The following CEACAM8 variants were observed in gnomAD, a reference collection of about 807,000 sequenced individuals.
CEACAM8 encodes CEA cell adhesion molecule 8, also known as cell adhesion molecule CEACAM8.
Under a neutral mutation model 33.4 loss-of-function variants are expected in CEACAM8, and 31 were observed. That is an observed-to-expected ratio of 0.93 (90% CI 0.70 to 1.25). The LOEUF (loss-of-function observed/expected upper bound fraction) is 1.25, where lower values mean the gene tolerates loss of function less well. CEACAM8 is among the 50% of genes most tolerant of loss of function. The pLI is 0.00. For missense variants in CEACAM8, 388 were observed against 434.6 expected (o/e 0.89, Z 0.95); for synonymous variants, 138 against 164.5 (o/e 0.84, Z 1.23).
At chr19:42,585,283 A>G in intron 4 of CEACAM8, among the ~76,000 whole-genome samples, 1 of 147,374 alleles carries the variant, frequency 6.8e-6, no homozygotes, top group South Asian at 2.2e-4. Context: ...GGGCTGACCT[A>G]AGGAGTGAGA....
At chr19:42,581,921 ATATATATATAT>A (rs1410551215) in intron 5 of CEACAM8, among the ~76,000 whole-genome samples, 3 of 26,260 alleles carry the variant, frequency 1.1e-4, no homozygotes, top group African/African-American at 2.9e-4. Context: ...AAAAAAAAAA[ATATATATATAT>A]ATATATATAT....
chr19:42,581,742 T>G (rs1264021179), intron 5 of CEACAM8, among the ~76,000 whole-genome samples: 1 of 149,354 alleles, frequency 6.7e-6, no homozygotes, highest in Non-Finnish European at 1.5e-5. Flanking sequence ...ATAGAAAAAT[T>G]AGCTGGGCGT....
At chr19:42,584,706 T>C (rs1027181158) in intron 4 of CEACAM8, among the ~76,000 whole-genome samples, 11 of 152,228 alleles carry the variant, frequency 7.2e-5, no homozygotes, top group African/African-American at 2.7e-4. Context: ...TTAAGAATCT[T>C]GTGCAAGAAA....
chr19:42,587,340 C>T (rs2042353176), intron 4 of CEACAM8, among the ~76,000 whole-genome samples: 3 of 152,330 alleles, frequency 2.0e-5, no homozygotes, highest in Non-Finnish European at 2.9e-5. Context: ...GTGGAAACAA[C>T]TGCAAAGTCC....
At chr19:42,585,313 C>CAAAAAAAAAAAAAAAAAAA (rs34190972) in intron 4 of CEACAM8, among the ~76,000 whole-genome samples, 1 of 61,950 alleles carries the variant, frequency 1.6e-5, no homozygotes, top group Non-Finnish European at 3.8e-5. Context: ...CTCTCTCTCT[C>CAAAAAAAAAAAAAAAAAAA]AAAAAAAAAA....
intron 2 of CEACAM8, among the ~76,000 whole-genome samples, chr19:42,592,179 G>A (rs1246829892): frequency 6.6e-6 from 1 of 152,186 alleles, no homozygotes; most frequent in Non-Finnish European, 1.5e-5. Flanking sequence ...CCTTCTTGTG[G>A]AAGAGAGGAC....
At chr19:42,585,874 T>C (rs2042328942) in intron 4 of CEACAM8, among the ~76,000 whole-genome samples, 1 of 152,174 alleles carries the variant, frequency 6.6e-6, no homozygotes, top group Non-Finnish European at 1.5e-5. Context: ...TTAGAATTTA[T>C]TAATAAATTC....
rs759765024 is a variant in CEACAM8 at position 42,593,737 on chromosome 19, G to A, written c.228C>T (p.Asn76=). The change falls in exon 2 of 6, where the codon AAC becomes AAT. Residue 76 remains asparagine (N), a synonymous_variant. Transcript: ENST00000244336. ...NWYKGETVDA[N]RRIIGYVISN... Reference sequence around the variant, plus strand: ...ATATTACATATCCTATAATTCGACGGTTGGCATCCACTGTTTCCCCTTTGT... The same window carrying A: ...ATATTACATATCCTATAATTCGACGATTGGCATCCACTGTTTCCCCTTTGT... The A allele has an allele frequency of 1.2e-6, 2 of 1,614,108 alleles. No homozygotes were observed. Among genetic ancestry groups the A allele is most frequent in the South Asian group, 1.1e-5 (1 of 91,074 alleles).
chr19:42,589,491 T>G lies in CEACAM8; in HGVS notation c.669A>C (p.Ala223=). 2 of 1,614,220 alleles carry G rather than the reference T, an allele frequency of 1.2e-6. No homozygotes were observed. The highest frequency in any genetic ancestry group is 1.1e-5 in the South Asian group (1 of 91,084). Residue 223 remains alanine, a synonymous_variant, in exon 3 of 6, where the codon GCA becomes GCC. Transcript: ENST00000244336. ...YECEIQNPAS[A]NFSDPVTLNV... The stretch of plus-strand genomic sequence containing the variant: ...TCAGGGTGACTGGGTCACTGAAGTT[T>G]GCACTCGCTGGGTTCTGTATTTCAC...
chr19:42,583,850 A>G (rs1480275199), intron 4 of CEACAM8, among the ~76,000 whole-genome samples: 20 of 152,200 alleles, frequency 1.3e-4, no homozygotes, highest in Admixed American at 1.3e-3. Context: ...ATGGGTGACT[A>G]GTTGGAGGAC....
At chr19:42,592,447 A>G (rs761370109) in intron 2 of CEACAM8, among the ~76,000 whole-genome samples, 1 of 151,922 alleles carries the variant, frequency 6.6e-6, no homozygotes, top group Non-Finnish European at 1.5e-5. Context: ...TAATAAAAAT[A>G]CCAAAATTAG....
rs1297655173 is a variant in CEACAM8, at chr19:42,589,450, TACTC to T, written c.703+3_703+6del. 10 of 1,613,958 alleles carry T rather than the reference TACTC, an allele frequency of 6.2e-6. No individual in the cohort carries two copies. Among genetic ancestry groups the T allele is most frequent in the Middle Eastern group, 1.6e-4 (1 of 6,084 alleles). On this transcript the variant is annotated splice_donor_5th_base_variant and intron_variant, in intron 3 of 5. Coordinates refer to ENST00000244336, the MANE Select transcript of CEACAM8 (RefSeq NM_001816.4). The stretch of plus-strand genomic sequence containing the variant: ...GCCTGGGCCACAGAGGAACAGAAGA[TACTC>T]ACAGAGGACATTCAGGGTGACTGGG...
rs755707471 is a variant in CEACAM8 at position 42,593,853 on chromosome 19, T to C, written c.112A>G (p.Ile38Val). The C allele has an allele frequency of 1.2e-6, 2 of 1,612,666 alleles. No homozygotes were observed. The highest frequency in any genetic ancestry group is 1.7e-6 in the Non-Finnish European group (2 of 1,179,138). The change falls in exon 2 of 6, where the codon ATT (isoleucine) becomes GTT (valine). Residue 38 changes from isoleucine (I) to valine (V), a missense_variant. By Grantham distance (29) the Ile-to-Val change is conservative (BLOSUM62 3). Transcript: ENST00000244336. ...WNPPTTAQLT[I>V]EAVPSNAAEG... is the part of the protein sequence containing the mutation. ...GCAGCATTGGATGGCACAGCTTCAA[T>C]AGTGAGCTGAGCAGTGGTGGGCGGG...
chr19:42,589,950 A>G (rs2042406173), intron 2 of CEACAM8, among the ~76,000 whole-genome samples: 1 of 152,174 alleles, frequency 6.6e-6, no homozygotes, highest in South Asian at 2.1e-4. Context: ...GACTTTCTCA[A>G]ATGTGAATTG....
intron 5 of CEACAM8, among the ~76,000 whole-genome samples, chr19:42,581,688 G>T (rs941213078): frequency 6.6e-6 from 1 of 150,762 alleles, no homozygotes; most frequent in East Asian, 1.9e-4. Context: ...TCATGAGATC[G>T]AGACCAGCCT....
intron 5 of CEACAM8, among the ~76,000 whole-genome samples, chr19:42,582,545 T>C (rs962566638): frequency 2.6e-5 from 4 of 152,062 alleles, no homozygotes; most frequent in African/African-American, 9.7e-5. Context: ...AGGTCAGAGG[T>C]TGCTTGCTTT....
chr19:42,585,674 A>G (rs2042325268), intron 4 of CEACAM8, among the ~76,000 whole-genome samples: 1 of 152,226 alleles, frequency 6.6e-6, no homozygotes, highest in Non-Finnish European at 1.5e-5. Flanking sequence ...CTTTCCCCCT[A>G]TGATCAGGAA....
Position 42,589,698 on chromosome 19 carries a change from G to A in CEACAM8, c.462C>T (p.Ser154=), listed in dbSNP as rs775430693. The A allele has an allele frequency of 6.2e-6, 10 of 1,614,190 alleles. No homozygotes were observed. Among genetic ancestry groups the A allele is most frequent in the Non-Finnish European group, 8.5e-6 (10 of 1,180,028 alleles). Residue 154 remains serine (S), a synonymous_variant, in exon 3 of 6, where the codon TCC becomes TCT. Coordinates refer to ENST00000244336, the MANE Select transcript of CEACAM8 (RefSeq NM_001816.4). The stretch of plus-strand genomic sequence containing the variant: ...CAGCATCCTTGTCCTCCACGGGGTT[G>A]GAGTTGTTGCTGGAGATGGAGGGCT... The part of the protein sequence containing the change: ...TPKPSISSNN[S]NPVEDKDAVA...
At position 42,593,803 on chromosome 19, in the gene CEACAM8, A is replaced by G. The variant is rs1042379429; in HGVS notation, c.162T>C (p.Leu54=). 3 of 1,614,064 alleles carry G rather than the reference A, an allele frequency of 1.9e-6. No homozygotes were observed. The highest frequency in any genetic ancestry group is 1.7e-5 in the Admixed American group (1 of 59,996). Residue 54 remains leucine, a synonymous_variant, in exon 2 of 6, where the codon CTT becomes CTC. Transcript: ENST00000244336. ...GAGGGTCCTGGGGCAGATTGTGGAC[A>G]AGTAGAAGAACCTCCTTCCCCTCTG... The part of the protein sequence containing the change: ...NAAEGKEVLL[L]VHNLPQDPRG...
Sources: gnomAD v4.1 joint callset for allele counts (sites outside exome capture counted in the v4.1 genomes callset) on GRCh38, gnomAD v4.1.1 for gene constraint, MANE v1.5 for transcripts, NCBI Gene and HGNC (gene_info 2026-07-23, HGNC 2026-07-21) for gene names.